Variants in FCER1A observed in about 807,000 individuals in gnomAD.
FCER1A encodes high affinity immunoglobulin epsilon receptor subunit alpha.
Under a neutral mutation model 23.6 loss-of-function variants are expected in FCER1A, and 24 were observed. The observed-to-expected ratio is 1.02, with a 90% CI of 0.74 to 1.43. FCER1A has a LOEUF of 1.43. Among genes scored for constraint, FCER1A ranks in the 40% most tolerant of loss-of-function variants. FCER1A has a pLI of 0.00. For synonymous variants in FCER1A, 121 were observed against 108.8 expected (o/e 1.11, Z -0.70); for missense variants, 318 against 294.5 (o/e 1.08, Z -0.58).
intron 1 of FCER1A, 40 bp downstream of exon 1, chr1:159,302,459 A>G (rs770290721): frequency 7.0e-7 from 1 of 1,431,430 alleles, no homozygotes; most frequent in Non-Finnish European, 9.9e-7. Flanking sequence ...GGAGGCCCAA[A>G]TGAATTTGGG....
intron 1 of FCER1A, among the ~76,000 whole-genome samples, chr1:159,290,223 G>A (rs1236259718): frequency 6.6e-6 from 1 of 152,106 alleles, no homozygotes; most frequent in Non-Finnish European, 1.5e-5. Flanking sequence ...CTCACCCAGA[G>A]AGTGTCCCCT....
upstream of FCER1A, among the ~76,000 whole-genome samples, chr1:159,299,287 A>G (rs1329491910): frequency 6.6e-6 from 1 of 152,198 alleles, no homozygotes; most frequent in Non-Finnish European, 1.5e-5. Context: ...ACCTTGTTTT[A>G]GAGAACTTTG....
intron 4 of FCER1A, 69 bp downstream of exon 4, chr1:159,306,314 A>G (rs1652613788): frequency 1.3e-6 from 2 of 1,520,362 alleles, no homozygotes; most frequent in Non-Finnish European, 1.8e-6. Flanking sequence ...GAGCCTGAGC[A>G]GTTGCAGCTT....
rs1652648807 is a variant in FCER1A, at chr1:159,307,438, A to G, written c.590-310A>G. Among the ~76,000 whole-genome samples the G allele has an allele frequency of 2.0e-5, 3 of 152,136 alleles. No individual in the cohort carries two copies. In the South Asian group the frequency reaches 6.2e-4, roughly 31 times the overall value. ...TGTCCCCTTTCCACCCCTTAATTAT[A>G]TGTGAATTCTGGTCTTGTCATTTCG... On this transcript the variant is annotated intron_variant, in intron 4 of 4. Transcript: ENST00000693622.
upstream of FCER1A, chr1:159,302,289 T>A: frequency 2.0e-6 from 2 of 988,232 alleles, no homozygotes; most frequent in South Asian, 2.6e-5. Flanking sequence ...CATTTCCTTC[T>A]GCTTTTTGGT....
At chr1:159,306,889 A>G (rs772332057) in intron 4 of FCER1A, among the ~76,000 whole-genome samples, 14 of 152,342 alleles carry the variant, frequency 9.2e-5, no homozygotes, top group Non-Finnish European at 1.5e-4. Context: ...CACTTTGTAC[A>G]TAATAATGTT....
chr1:159,302,745 GGTC>G (rs893391830), intron 1 of FCER1A, 106 bp from the exon 2 acceptor site: 158 of 961,636 alleles, frequency 1.6e-4, no homozygotes, highest in Middle Eastern at 6.2e-4. Flanking sequence ...AAAGACGGTT[GGTC>G]CTTAAAATTC....
At chr1:159,306,364 A>G (rs1378632867) in intron 4 of FCER1A, 119 bp downstream of exon 4, 1 of 874,148 alleles carries the variant, frequency 1.1e-6, no homozygotes, top group African/African-American at 1.7e-5. Flanking sequence ...AAAGCCTACC[A>G]GACTTGCAAT....
intron 3 of FCER1A, among the ~76,000 whole-genome samples, chr1:159,305,403 A>G (rs1652570082): frequency 6.6e-6 from 1 of 152,216 alleles, no homozygotes; most frequent in African/African-American, 2.4e-5. Context: ...AAGTATTGCT[A>G]CCAACTCCTA....
At chr1:159,306,896 T>C (rs1652633367) in intron 4 of FCER1A, among the ~76,000 whole-genome samples, 1 of 152,168 alleles carries the variant, frequency 6.6e-6, no homozygotes, top group Non-Finnish European at 1.5e-5. Context: ...TACATAATAA[T>C]GTTTAAAAAA....
At chr1:159,306,582 T>C (rs1457454097) in intron 4 of FCER1A, among the ~76,000 whole-genome samples, 5 of 152,166 alleles carry the variant, frequency 3.3e-5, no homozygotes, top group Non-Finnish European at 7.3e-5. Context: ...CTGTTGCTCC[T>C]GGGGGAACAC....
At position 159,304,003 on chromosome 1, in the gene FCER1A, G is replaced by A; in HGVS notation, c.152G>A (p.Cys51Tyr). ...AAAGGAGAGAATGTGACTCTTACATGTAATGGGAACAATTTCTTTGAAGTC... is the reference window on the plus strand; with the variant it reads ...AAAGGAGAGAATGTGACTCTTACATATAATGGGAACAATTTCTTTGAAGTC... ...IFKGENVTLTCNGNNFFEVSS... is the reference protein window; with the variant it reads ...IFKGENVTLTYNGNNFFEVSS... Residue 51 changes from cysteine (C) to tyrosine (Y), a missense_variant, in exon 3 of 5, where the codon TGT becomes TAT. Transcript: ENST00000693622. The A allele has an allele frequency of 6.2e-7, 1 of 1,613,562 alleles. No homozygotes were observed. The highest frequency in any genetic ancestry group is 1.1e-5 in the South Asian group (1 of 91,066).
At chr1:159,288,758 T>C (rs1449955425), upstream of FCER1A, among the ~76,000 whole-genome samples, 2 of 152,204 alleles carry the variant, frequency 1.3e-5, no homozygotes, top group East Asian at 3.8e-4. Context: ...CATGATGGAC[T>C]ATAATAATCC....
intron 1 of FCER1A, among the ~76,000 whole-genome samples, chr1:159,293,259 T>A (rs1652204565): frequency 6.6e-6 from 1 of 151,468 alleles, no homozygotes; most frequent in African/African-American, 2.4e-5. Flanking sequence ...TCAAATAAAA[T>A]CCCAACACTT....
At chr1:159,304,764 T>C (rs889440275) in intron 3 of FCER1A, among the ~76,000 whole-genome samples, 6 of 152,226 alleles carry the variant, frequency 3.9e-5, no homozygotes, top group Non-Finnish European at 8.8e-5. Context: ...GATTCAGGTA[T>C]ATATTATGTG....
chr1:159,300,393 C>A (rs372756956), upstream of FCER1A, among the ~76,000 whole-genome samples: 1 of 152,166 alleles, frequency 6.6e-6, no homozygotes, highest in Non-Finnish European at 1.5e-5. Context: ...AAAGTCTCAA[C>A]AAACTGGTAA....
At chr1:159,302,271 A>G, upstream of FCER1A, 5 of 883,902 alleles carry the variant, frequency 5.7e-6, no homozygotes, top group Admixed American at 7.0e-5. Context: ...CAGATATGAT[A>G]CAGAAAACAT....
At chr1:159,289,763 T>C (rs1652101608) in intron 1 of FCER1A, 1 of 152,196 alleles carries the variant, frequency 6.6e-6, no homozygotes, top group South Asian at 2.1e-4. Flanking sequence ...GGTAAGTTTA[T>C]GGCTCCAGTG....
upstream of FCER1A, among the ~76,000 whole-genome samples, chr1:159,288,755 G>A (rs2427837): frequency 0.2 from 30,848 of 152,010 alleles, 3,856 homozygotes; most frequent in Non-Finnish European, 0.28. Context: ...CCCCATGATG[G>A]ACTATAATAA....
Sources: allele counts gnomAD v4.1 joint callset (sites outside exome capture counted in the v4.1 genomes callset), GRCh38; gene constraint gnomAD v4.1.1; transcripts MANE v1.5; gene names NCBI Gene and HGNC (gene_info 2026-07-23, HGNC 2026-07-21).